ICA1L: variants seen among roughly 807,000 people sequenced by gnomAD.
ICA1L encodes islet cell autoantigen 1-like protein.
Under a neutral mutation model 61.3 loss-of-function variants are expected in ICA1L, and 50 were observed. The ratio of observed to expected loss-of-function variants is 0.82; its 90% CI spans 0.65 to 1.03. ICA1L has a LOEUF of 1.03. Ranked by LOEUF, ICA1L falls within the 50% of genes least tolerant of loss-of-function variation. ICA1L has a pLI of 0.00. For missense variants in ICA1L, 508 were observed against 556.7 expected (o/e 0.91, Z 0.88); for synonymous variants, 161 against 191.3 (o/e 0.84, Z 1.31).
intron 1 of ICA1L, among the ~76,000 whole-genome samples, chr2:202,865,647 G>A (rs1242781233): frequency 6.6e-6 from 1 of 152,140 alleles, no homozygotes; most frequent in African/African-American, 2.4e-5. Flanking sequence ...ACATGATTAT[G>A]TATGCAAAAA....
intron 1 of ICA1L, among the ~76,000 whole-genome samples, chr2:202,836,832 T>C (rs1198891713): frequency 1.4e-5 from 2 of 146,144 alleles, no homozygotes; most frequent in African/African-American, 4.9e-5. Context: ...TAGATATAGA[T>C]ACAGATATAT....
At position 202,777,044 on chromosome 2, in the gene ICA1L, CTTTTTTTTTTTTTTTTT is replaced by C. The variant is rs562230381; in HGVS notation, c.*2472_*2488del. 1 of 68,578 alleles carries C rather than the reference CTTTTTTTTTTTTTTTTT, an allele frequency of 1.5e-5. No homozygotes were observed. The highest frequency in any genetic ancestry group is 2.5e-5 in the Non-Finnish European group (1 of 40,566). 4.2% of individuals were successfully genotyped at this position (68,578 alleles called of 1,614,324 possible). A position where few individuals can be genotyped will look rare whatever the true frequency, so the allele number is the denominator to read the frequency against. On this transcript the variant is annotated 3_prime_UTR_variant, in exon 13 of 13. Coordinates refer to ENST00000358299, the MANE Select transcript of ICA1L (RefSeq NM_001288622.3). ...ACAAACTCTCAAGACATAAAGTTAG[CTTTTTTTTTTTTTTTTT>C]TTTTTTTTTTTGAGAGAGTCGCTCT...
At chr2:202,831,336 A>T (rs1005479225) in intron 1 of ICA1L, among the ~76,000 whole-genome samples, 2 of 152,190 alleles carry the variant, frequency 1.3e-5, no homozygotes, top group Non-Finnish European at 2.9e-5. Context: ...GTCCTGACAC[A>T]TCAAGCGTCT....
At position 202,806,032 on chromosome 2, in the gene ICA1L, A is replaced by C. The variant is rs1029232039; in HGVS notation, c.910+5714T>G. On this transcript the variant is annotated intron_variant, in intron 9 of 12. Transcript: ENST00000358299. ...ATCCGTATGATCTATTTATGTGTGT[A>C]CTTGAAAATACCTCGGCCAGGCACT... Among the ~76,000 whole-genome samples the C allele has an allele frequency of 2.6e-5, 4 of 152,266 alleles. No homozygotes were observed. In the South Asian group the frequency reaches 8.3e-4, roughly 32 times the overall value.
rs1199481109 is a variant in ICA1L at position 202,773,542 on chromosome 2, G to A, written c.*5991C>T. 1 of 371,196 alleles carries A rather than the reference G, an allele frequency of 2.7e-6. No homozygotes were observed. The highest frequency in any genetic ancestry group is 4.9e-6 in the Non-Finnish European group (1 of 205,728). 23.0% of individuals were successfully genotyped at this position (371,196 alleles called of 1,614,324 possible). On this transcript the variant is annotated 3_prime_UTR_variant, in exon 13 of 13. Transcript: ENST00000358299. ...TTATGTCAGAGCCTTCAAAAAACAC[G>A]GGCAGAACAAGAGTACAATAAAAGA... is the stretch of plus-strand genomic sequence containing the variant.
intron 1 of ICA1L, among the ~76,000 whole-genome samples, chr2:202,853,374 C>T (rs1288509407): frequency 6.7e-6 from 1 of 148,896 alleles, no homozygotes; most frequent in East Asian, 2.0e-4. Context: ...AAAAAAAAGA[C>T]TTAAATGTTA....
intron 1 of ICA1L, among the ~76,000 whole-genome samples, chr2:202,845,478 T>G (rs1418389725): frequency 6.6e-6 from 1 of 151,828 alleles, no homozygotes; most frequent in Non-Finnish European, 1.5e-5. Context: ...AATATACAAA[T>G]AAGCTGGGCG....
In ICA1L at chr2:202,773,819, G is replaced by C. The variant is rs1574312945; in HGVS notation, c.*5714C>G. On this transcript the variant is annotated 3_prime_UTR_variant, in exon 13 of 13. Coordinates refer to ENST00000358299, the MANE Select transcript of ICA1L (RefSeq NM_001288622.3). ...GCAAGAGCAGGCTGTAAAAGCAAAG[G>C]CTAGCTGTGCAAGTGCAGCCCTGTG... is the stretch of plus-strand genomic sequence containing the variant. The C allele has an allele frequency of 5.0e-6, 7 of 1,391,656 alleles. No homozygotes were observed. The East Asian group carries it at 1.4e-4, about 27-fold the overall frequency. The allele number at this position is 1,391,656 out of a possible 1,614,324, so 86.2% of individuals were successfully genotyped here.
At chr2:202,795,126 G>A (rs1264147246) in intron 10 of ICA1L, among the ~76,000 whole-genome samples, 1 of 144,350 alleles carries the variant, frequency 6.9e-6, no homozygotes, top group African/African-American at 2.6e-5. Flanking sequence ...CGAGTAGCTG[G>A]GACTACAGGC....
intron 1 of ICA1L, among the ~76,000 whole-genome samples, chr2:202,847,317 G>A (rs1433442771): frequency 6.6e-6 from 1 of 152,132 alleles, no homozygotes; most frequent in Non-Finnish European, 1.5e-5. Context: ...TCTCTAAGTG[G>A]GAAGGTTACA....
chr2:202,838,156 T>G lies in ICA1L; in HGVS notation c.-7-9140A>C, dbSNP rs892298618. On this transcript the variant is annotated intron_variant, in intron 1 of 12. Coordinates refer to ENST00000358299, the MANE Select transcript of ICA1L (RefSeq NM_001288622.3). Reference sequence around the variant, plus strand: ...GGTGTAGCCACTGTTCCCAGCAGTTTTAAGATTTTTAAAATTTCCTTTTAA... The same window carrying G: ...GGTGTAGCCACTGTTCCCAGCAGTTGTAAGATTTTTAAAATTTCCTTTTAA... 2.6e-5 allele frequency among the ~76,000 whole-genome samples: 4 copies of G among 152,340 alleles called. No individual in the cohort carries two copies. The East Asian group carries it at 7.7e-4, about 29-fold the overall frequency.
At chr2:202,830,336 A>G (rs1200761074) in intron 1 of ICA1L, among the ~76,000 whole-genome samples, 2 of 152,322 alleles carry the variant, frequency 1.3e-5, no homozygotes, top group East Asian at 3.9e-4. Context: ...TGAACCCAGG[A>G]GGCGGAGGTT....
rs576407305 is a variant in ICA1L at position 202,829,305 on chromosome 2, G to A, written c.-7-289C>T. 742 of 184,722 alleles carry A rather than the reference G, an allele frequency of 4.0e-3. 8 individuals are homozygous for A. Among genetic ancestry groups the A allele is most frequent in the African/African-American group, 0.016 (697 of 42,770 alleles). 11.4% of individuals were successfully genotyped at this position (184,722 alleles called of 1,614,324 possible). A position where few individuals can be genotyped will look rare whatever the true frequency, so the allele number is the denominator to read the frequency against. Reference sequence around the variant, plus strand: ...GCGGAGCTTGCGGTGAGCCGAGATCGCGCCACTGCACTCCAGCCTGGGAGA... The same window carrying A: ...GCGGAGCTTGCGGTGAGCCGAGATCACGCCACTGCACTCCAGCCTGGGAGA... On this transcript the variant is annotated intron_variant, in intron 1 of 12. Coordinates refer to ENST00000358299, the MANE Select transcript of ICA1L (RefSeq NM_001288622.3).
chr2:202,795,980 T>C (rs1692914289), intron 10 of ICA1L, among the ~76,000 whole-genome samples: 1 of 151,648 alleles, frequency 6.6e-6, no homozygotes, highest in Non-Finnish European at 1.5e-5. Flanking sequence ...GAGGCAAAAG[T>C]TGCAGTGAGC....
chr2:202,822,805 C>G (rs146133711), intron 3 of ICA1L, among the ~76,000 whole-genome samples: 1 of 152,196 alleles, frequency 6.6e-6, no homozygotes, highest in Non-Finnish European at 1.5e-5. Context: ...CCTGTCCCCG[C>G]TGCCATGCCT....
intron 1 of ICA1L, among the ~76,000 whole-genome samples, chr2:202,858,833 C>T (rs1044581786): frequency 1.3e-5 from 2 of 152,118 alleles, no homozygotes; most frequent in Admixed American, 6.6e-5. Context: ...GAGCAACAGA[C>T]TGTATCAGAT....
At chr2:202,859,656 AC>A (rs1297564589) in intron 1 of ICA1L, among the ~76,000 whole-genome samples, 1 of 152,218 alleles carries the variant, frequency 6.6e-6, no homozygotes, top group Non-Finnish European at 1.5e-5. Flanking sequence ...CAGAGAGGTT[AC>A]CATCTTGACC....
At chr2:202,867,038 G>T (rs1014466959) in intron 1 of ICA1L, among the ~76,000 whole-genome samples, 2 of 151,354 alleles carry the variant, frequency 1.3e-5, no homozygotes, top group Admixed American at 6.6e-5. Context: ...CATTATAAAA[G>T]AAAAAAAATC....
chr2:202,810,573 G>A (rs979040735), intron 9 of ICA1L, among the ~76,000 whole-genome samples: 1 of 152,186 alleles, frequency 6.6e-6, no homozygotes, highest in Non-Finnish European at 1.5e-5. Context: ...TGTAGAGCAT[G>A]TGTGTTTGAA....
Sources: gnomAD v4.1 joint callset for allele counts (sites outside exome capture counted in the v4.1 genomes callset) on GRCh38, gnomAD v4.1.1 for gene constraint, MANE v1.5 for transcripts, NCBI Gene and HGNC (gene_info 2026-07-23, HGNC 2026-07-21) for gene names.